AUTS2: variants seen among roughly 807,000 people sequenced by gnomAD.
AUTS2 encodes autism susceptibility gene 2 protein.
AUTS2 carries 17 observed loss-of-function variants against 112.4 expected under a neutral mutation model. That is an observed-to-expected ratio of 0.15 (90% CI 0.10 to 0.23). The LOEUF (loss-of-function observed/expected upper bound fraction) is 0.23, where lower values mean the gene tolerates loss of function less well. Among genes scored for constraint, AUTS2 ranks in the 10% least tolerant of loss-of-function variants. AUTS2 has a pLI of 1.00. For missense variants in AUTS2, 1,510 were observed against 1,701.6 expected, an observed-to-expected ratio of 0.89 and a Z score of 1.98; for synonymous variants, 751 against 702.7, an observed-to-expected ratio of 1.07 and a Z score of -1.09.
chr7:69,852,491 T>C (rs1375032241), intron 1 of AUTS2, among the ~76,000 whole-genome samples: 4 of 152,002 alleles, frequency 2.6e-5, no homozygotes, highest in Non-Finnish European at 4.4e-5. Flanking sequence ...CAGATTCAGA[T>C]TCCTAGGCTG....
intron 5 of AUTS2, among the ~76,000 whole-genome samples, chr7:70,548,078 A>T (rs905836837): frequency 2.0e-5 from 3 of 152,046 alleles, no homozygotes; most frequent in Non-Finnish European, 4.4e-5. Context: ...CTTTTTCAAG[A>T]TTGTTTTGGC....
intron 1 of AUTS2, among the ~76,000 whole-genome samples, chr7:69,809,427 A>G (rs1584276951): frequency 1.3e-5 from 2 of 152,190 alleles, no homozygotes; most frequent in Admixed American, 6.5e-5. Context: ...GCTCTTAGCC[A>G]TCTGAATGCA....
chr7:70,373,805 A>G (rs552459146), intron 4 of AUTS2, among the ~76,000 whole-genome samples: 2 of 152,062 alleles, frequency 1.3e-5, no homozygotes, highest in Admixed American at 6.6e-5. Context: ...TAAAATTGGT[A>G]TGGTTTTTGT....
intron 1 of AUTS2, among the ~76,000 whole-genome samples, chr7:69,800,514 T>A (rs2129336575): frequency 6.6e-6 from 1 of 152,274 alleles, no homozygotes; most frequent in East Asian, 1.9e-4. Flanking sequence ...ACTATTGGGG[T>A]GACATTGTGA....
At chr7:69,910,569 T>G (rs1274383911) in intron 2 of AUTS2, among the ~76,000 whole-genome samples, 1 of 152,300 alleles carries the variant, frequency 6.6e-6, no homozygotes, top group Non-Finnish European at 1.5e-5. Flanking sequence ...ACATCTTACG[T>G]GGATGGTGGC....
At chr7:70,618,756 CAG>C (rs1804513602) in intron 5 of AUTS2, among the ~76,000 whole-genome samples, 3 of 151,740 alleles carry the variant, frequency 2.0e-5, no homozygotes, top group Admixed American at 2.0e-4. Context: ...GAAGGAAACA[CAG>C]GGAGAGAGAG....
chr7:69,798,540 G>C (rs1789948496), intron 1 of AUTS2, among the ~76,000 whole-genome samples: 1 of 152,090 alleles, frequency 6.6e-6, no homozygotes, highest in South Asian at 2.1e-4. Flanking sequence ...AAGAGAATTT[G>C]ATTATGCATT....
At chr7:69,609,205 T>A (rs1186161796) in intron 1 of AUTS2, among the ~76,000 whole-genome samples, 1 of 152,192 alleles carries the variant, frequency 6.6e-6, no homozygotes, top group Non-Finnish European at 1.5e-5. Context: ...AAGTTAGTAC[T>A]GGGGAGTCCC....
intron 4 of AUTS2, among the ~76,000 whole-genome samples, chr7:70,367,115 G>A (rs777216928): frequency 2.6e-5 from 4 of 152,058 alleles, no homozygotes; most frequent in Admixed American, 6.5e-5. Flanking sequence ...GCGAAACCCC[G>A]TCTCTACTAA....
intron 4 of AUTS2, among the ~76,000 whole-genome samples, chr7:70,392,868 T>C (rs536052067): frequency 1.3e-5 from 2 of 152,348 alleles, no homozygotes; most frequent in South Asian, 4.1e-4. Context: ...TCCTGTTTTC[T>C]AGTGGGATTA....
chr7:70,081,309 G>C (rs927306868), intron 2 of AUTS2, among the ~76,000 whole-genome samples: 1 of 151,308 alleles, frequency 6.6e-6, no homozygotes, highest in African/African-American at 2.4e-5. Flanking sequence ...CCAGCACTTT[G>C]GGAGTCCAGG....
chr7:69,705,260 C>CAT (rs1351820141), intron 1 of AUTS2, among the ~76,000 whole-genome samples: 1 of 152,172 alleles, frequency 6.6e-6, no homozygotes, highest in East Asian at 1.9e-4. Flanking sequence ...AATGTGCGTG[C>CAT]ATAGGTCATC....
chr7:70,539,998 A>G (rs993139644), intron 5 of AUTS2, among the ~76,000 whole-genome samples: 8 of 152,110 alleles, frequency 5.3e-5, no homozygotes, highest in African/African-American at 1.7e-4. Context: ...TTTTCCAGCC[A>G]TTAGCTTTTT....
chr7:70,781,660 C>A lies in AUTS2; in HGVS notation c.2050C>A (p.Pro684Thr), dbSNP rs779728253. 2 of 1,614,160 alleles carry A rather than the reference C, an allele frequency of 1.2e-6. No homozygotes were observed. The highest frequency in any genetic ancestry group is 2.2e-5 in the East Asian group (1 of 44,876). Residue 684 changes from proline to threonine, a missense_variant, in exon 15 of 19, where the codon CCT (proline) becomes ACT (threonine). By Grantham distance (38) the Pro-to-Thr change is conservative. Coordinates refer to ENST00000342771, the MANE Select transcript of AUTS2 (RefSeq NM_015570.4). ...DPHKLDFGLK[P>T]EFLSRPPGPS... ...ACATAAGCTGGACTTTGGACTGAAACCTGAGTTCCTGAGCCGCCCTCCAGG... is the reference window on the plus strand; with the variant it reads ...ACATAAGCTGGACTTTGGACTGAAAACTGAGTTCCTGAGCCGCCCTCCAGG...
Position 70,628,823 on chromosome 7 carries a change from C to T in AUTS2, c.691-69746C>T, listed in dbSNP as rs541404177. Among the ~76,000 whole-genome samples the T allele has an allele frequency of 1.5e-4, 23 of 151,944 alleles. 1 individual carries two copies. The highest frequency in any genetic ancestry group is 1.2e-3 in the Admixed American group (19 of 15,266). Reference sequence around the variant, plus strand: ...CTCAGGATGGGAAAGCACGGGTAAACGGGCAGGAGACCTCTGGGCGCCATT... The same window carrying T: ...CTCAGGATGGGAAAGCACGGGTAAATGGGCAGGAGACCTCTGGGCGCCATT... On this transcript the variant is annotated intron_variant, in intron 5 of 18. Transcript: ENST00000342771.
chr7:69,979,068 A>G (rs2129549642), intron 2 of AUTS2, among the ~76,000 whole-genome samples: 1 of 152,304 alleles, frequency 6.6e-6, no homozygotes, highest in African/African-American at 2.4e-5. Flanking sequence ...CATAATCATG[A>G]TGACTGCATG....
intron 1 of AUTS2, among the ~76,000 whole-genome samples, chr7:69,740,438 A>G (rs1787213273): frequency 8.5e-5 from 13 of 152,222 alleles, no homozygotes; most frequent in Admixed American, 8.5e-4. Context: ...TGAAGTTGAA[A>G]TCTTAGGCAA....
At chr7:70,393,873 CAG>C (rs1793973913) in intron 4 of AUTS2, among the ~76,000 whole-genome samples, 1 of 152,160 alleles carries the variant, frequency 6.6e-6, no homozygotes, top group Non-Finnish European at 1.5e-5. Context: ...TTATCAAAAA[CAG>C]AGAGTGAGCC....
At chr7:70,462,968 A>G (rs998031757) in intron 5 of AUTS2, among the ~76,000 whole-genome samples, 18 of 152,288 alleles carry the variant, frequency 1.2e-4, no homozygotes, top group African/African-American at 3.1e-4. Context: ...AAAAAAAAAA[A>G]AAATCTGCTG....
Sources: gnomAD v4.1 joint callset for allele counts (sites outside exome capture counted in the v4.1 genomes callset) on GRCh38, gnomAD v4.1.1 for gene constraint, MANE v1.5 for transcripts, NCBI Gene and HGNC (gene_info 2026-07-23, HGNC 2026-07-21) for gene names.